Variants in ELAVL2 observed in about 807,000 individuals in gnomAD.
ELAVL2 encodes the protein ELAV like RNA binding protein 2, also known as ELAV-like protein 2.
A neutral mutation model predicts 34.6 loss-of-function variants in ELAVL2; 4 were observed. The ratio of observed to expected loss-of-function variants is 0.12; its 90% CI spans 0.06 to 0.26. The LOEUF is 0.26. Among genes scored for constraint, ELAVL2 ranks in the 10% least tolerant of loss-of-function variants. The probability of loss-of-function intolerance (pLI) is 1.00; values close to 1 mark genes in which losing one functional copy is unlikely to be tolerated. For synonymous variants in ELAVL2, 193 were observed against 154.8 expected (o/e 1.25, Z -1.83); for missense variants, 432 against 442.8 (o/e 0.98, Z 0.22).
intron 3 of ELAVL2, among the ~76,000 whole-genome samples, chr9:23,718,508 C>A (rs2042873710): frequency 6.6e-6 from 1 of 152,060 alleles, no homozygotes; most frequent in South Asian, 2.1e-4. Context: ...AAAGCAGTAA[C>A]AGCAAACACT....
chr9:23,775,982 G>A (rs930477738), intron 1 of ELAVL2, among the ~76,000 whole-genome samples: 4 of 152,164 alleles, frequency 2.6e-5, no homozygotes, highest in African/African-American at 9.7e-5. Flanking sequence ...AAAATATCAA[G>A]ACAGATCCAT....
intron 1 of ELAVL2, among the ~76,000 whole-genome samples, chr9:23,782,138 T>C (rs993895153): frequency 6.6e-6 from 1 of 152,092 alleles, no homozygotes; most frequent in Non-Finnish European, 1.5e-5. Context: ...TTCTTTAACA[T>C]AAAAATGTCC....
At chr9:23,841,861 C>T in the ELAVL2 span, among the ~76,000 whole-genome samples, 1 of 152,124 alleles carries the variant, frequency 6.6e-6, no homozygotes, top group Non-Finnish European at 1.5e-5. Flanking sequence ...ATGTATTTAA[C>T]TTTCTAGTAA....
intron 1 of ELAVL2, among the ~76,000 whole-genome samples, chr9:23,824,101 T>C (rs2065128377): frequency 6.6e-6 from 1 of 152,118 alleles, no homozygotes; most frequent in Non-Finnish European, 1.5e-5. Flanking sequence ...TACTAAATGG[T>C]TGGCTATTTC....
intron 1 of ELAVL2, among the ~76,000 whole-genome samples, chr9:23,806,195 G>A (rs2062196657): frequency 6.6e-6 from 1 of 151,816 alleles, no homozygotes; most frequent in African/African-American, 2.4e-5. Context: ...ACTCCAATTG[G>A]TTAAATATGT....
chr9:23,762,390 C>A (rs921079626), intron 1 of ELAVL2, 141 bp from the exon 2 acceptor site: 19 of 1,061,870 alleles, frequency 1.8e-5, no homozygotes, highest in Non-Finnish European at 6.7e-6. Context: ...AAGTGTAATA[C>A]CTACACTAAT....
At chr9:23,815,146 G>A (rs1313991302) in intron 1 of ELAVL2, among the ~76,000 whole-genome samples, 1 of 151,964 alleles carries the variant, frequency 6.6e-6, no homozygotes, top group Non-Finnish European at 1.5e-5. Flanking sequence ...ATTCAAATCA[G>A]AGAAAACGCG....
intron 1 of ELAVL2, among the ~76,000 whole-genome samples, chr9:23,802,644 C>T (rs1260673796): frequency 1.3e-5 from 2 of 152,154 alleles, no homozygotes; most frequent in Non-Finnish European, 2.9e-5. Flanking sequence ...ACCTAAGAGT[C>T]CTCTGAGACT....
the ELAVL2 span, among the ~76,000 whole-genome samples, chr9:23,842,591 T>A: frequency 2.0e-5 from 3 of 152,124 alleles, no homozygotes; most frequent in Admixed American, 1.3e-4. Flanking sequence ...GGAAATTTCC[T>A]TTTCACTCAA....
intron 4 of ELAVL2, among the ~76,000 whole-genome samples, chr9:23,702,458 T>A (rs1430699922): frequency 6.6e-6 from 1 of 152,058 alleles, no homozygotes; most frequent in African/African-American, 2.4e-5. Flanking sequence ...AAACCCAGCT[T>A]ATTCCATTTA....
chr9:23,692,566 G>C lies in ELAVL2; in HGVS notation c.1071C>G (p.His357Gln), dbSNP rs1348606368. The C allele has an allele frequency of 1.2e-6, 2 of 1,612,234 alleles. No individual in the cohort carries two copies. The highest frequency in any genetic ancestry group is 2.2e-5 in the East Asian group (1 of 44,814). Residue 357 changes from histidine (H) to glutamine (Q), a missense_variant, in exon 7 of 7, where the codon CAC (histidine) becomes CAG (glutamine). Around this residue, in one of 3 missense-constraint regions of ELAVL2, gnomAD observed 295 missense variants for 306.1 expected, o/e 0.96. Coordinates refer to ENST00000397312, the MANE Select transcript of ELAVL2 (RefSeq NM_004432.5). ...LQVSFKTNKT[H>Q]KA ...TGAGGACAAGAGCTCATTAGGCTTT[G>C]TGCGTTTTGTTTGTCTTAAAGGAGA...
chr9:23,787,094 G>C (rs752965960), intron 1 of ELAVL2, among the ~76,000 whole-genome samples: 1 of 152,132 alleles, frequency 6.6e-6, no homozygotes, highest in Admixed American at 6.5e-5. Flanking sequence ...TACGGCAAAT[G>C]TGAGAAAGAA....
chr9:23,824,345 G>C (rs1042999845), intron 1 of ELAVL2, among the ~76,000 whole-genome samples: 1 of 152,144 alleles, frequency 6.6e-6, no homozygotes, highest in African/African-American at 2.4e-5. Context: ...GCGAGGTCTC[G>C]TCCGCCGCGG....
intron 2 of ELAVL2, among the ~76,000 whole-genome samples, chr9:23,752,611 A>C (rs1416523341): frequency 6.6e-6 from 1 of 151,820 alleles, no homozygotes; most frequent in African/African-American, 2.4e-5. Context: ...CCCAGCACCA[A>C]GTCTAGCTAA....
intron 5 of ELAVL2, 85 bp from the exon 6 acceptor site, chr9:23,693,571 C>T (rs947401164): frequency 4.8e-5 from 71 of 1,481,728 alleles, no homozygotes; most frequent in Non-Finnish European, 6.1e-5. Flanking sequence ...TGCCATCTTC[C>T]GAGGGGATAT....
the ELAVL2 span, among the ~76,000 whole-genome samples, chr9:23,832,811 A>G: frequency 6.6e-6 from 1 of 152,230 alleles, no homozygotes; most frequent in Non-Finnish European, 1.5e-5. Flanking sequence ...AAAGGCTTAT[A>G]TCACTTTAGG....
At chr9:23,838,373 T>C in the ELAVL2 span, among the ~76,000 whole-genome samples, 2 of 152,124 alleles carry the variant, frequency 1.3e-5, no homozygotes, top group Non-Finnish European at 2.9e-5. Context: ...AGATGCTGGA[T>C]GGTAAGGACC....
intron 1 of ELAVL2, among the ~76,000 whole-genome samples, chr9:23,812,112 G>A (rs1028862674): frequency 6.6e-6 from 1 of 152,024 alleles, no homozygotes; most frequent in African/African-American, 2.4e-5. Context: ...GCAAGAGTGG[G>A]GAGTGTGTGA....
chr9:23,759,444 T>C (rs910090689), intron 2 of ELAVL2, among the ~76,000 whole-genome samples: 6 of 151,640 alleles, frequency 4.0e-5, no homozygotes, highest in African/African-American at 1.5e-4. Flanking sequence ...GGTTAATGAG[T>C]ACAGGGTCAC....
Sources: gnomAD v4.1 joint callset for allele counts (sites outside exome capture counted in the v4.1 genomes callset) on GRCh38, gnomAD v4.1.1 for gene constraint, gnomAD v4.1.1 regional missense constraint, MANE v1.5 for transcripts, NCBI Gene and HGNC (gene_info 2026-07-23, HGNC 2026-07-21) for gene names.